Variants in SLC25A41 observed in about 807,000 individuals in gnomAD.
The protein encoded by SLC25A41 is solute carrier family 25 member 41.
Under a neutral mutation model 34.7 loss-of-function variants are expected in SLC25A41, and 35 were observed. The observed-to-expected ratio is 1.01, with a 90% CI of 0.77 to 1.34. The LOEUF (loss-of-function observed/expected upper bound fraction) is 1.34, where lower values mean the gene tolerates loss of function less well. Among genes scored for constraint, SLC25A41 ranks in the 40% most tolerant of loss-of-function variants. The pLI is 0.00. For missense variants in SLC25A41, 492 were observed against 489.8 expected (o/e 1.00, Z -0.04); for synonymous variants, 190 against 209.9 (o/e 0.91, Z 0.82).
In SLC25A41 at chr19:6,432,236, C is replaced by T. The variant is rs1003894515; in HGVS notation, c.208-32G>A. 3 of 1,601,900 alleles carry T rather than the reference C, an allele frequency of 1.9e-6. No homozygotes were observed. In the African/African-American group the frequency reaches 4.0e-5, roughly 21 times the overall value. ...GGCAGACCCGGCCCTCCCTCATCCT[C>T]AGCCAGGTTGGGGCACCTTCCCCAG... On this transcript the variant is annotated intron_variant, in intron 1 of 6. Transcript: ENST00000321510.
At chr19:6,435,904 C>T (rs913156404), upstream of SLC25A41, among the ~76,000 whole-genome samples, 5 of 151,916 alleles carry the variant, frequency 3.3e-5, no homozygotes, top group Non-Finnish European at 5.9e-5. Context: ...GCCTGTGGTC[C>T]CAGCTACTCC....
chr19:6,434,707 G>A (rs934127369), upstream of SLC25A41, among the ~76,000 whole-genome samples: 1 of 152,008 alleles, frequency 6.6e-6, no homozygotes, highest in Non-Finnish European at 1.5e-5. Flanking sequence ...TCAGGAGTTC[G>A]AGACCAGCCT....
At position 6,427,190 on chromosome 19, in the gene SLC25A41, T is replaced by C; in HGVS notation, c.853A>G (p.Ser285Gly). ...RDMGDPSGLVSLSSVTLSTTC... is the reference protein window; with the variant it reads ...RDMGDPSGLVGLSSVTLSTTC... ...GTGGATAGCGTCACAGACGACAGAC[T>C]GACCAGGCCACTGGGGTCCCCCATA... Residue 285 changes from serine (S) to glycine (G), a missense_variant, in exon 6 of 7, where the codon AGT (serine) becomes GGT (glycine). Transcript: ENST00000321510. This position sits in a 1 kb window ranked among gnomAD's most constrained non-coding sequence, Gnocchi z 4.9. The C allele has an allele frequency of 6.2e-7, 1 of 1,612,544 alleles. No individual in the cohort carries two copies. The highest frequency in any genetic ancestry group is 8.5e-7 in the Non-Finnish European group (1 of 1,179,750).
At position 6,427,002 on chromosome 19, in the gene SLC25A41, C is replaced by T; in HGVS notation, c.940+101G>A. 8 of 1,337,960 alleles carry T rather than the reference C, an allele frequency of 6.0e-6. No individual in the cohort carries two copies. Among genetic ancestry groups the T allele is most frequent in the Non-Finnish European group, 8.2e-6 (8 of 981,442 alleles). The allele number at this position is 1,337,960 out of a possible 1,614,324, so 82.9% of individuals were successfully genotyped here. ...TTATCAAAAGTGGGCTGGGATCAGA[C>T]ACGGAGGGTGCCGGACTCAGTTTTG... On this transcript the variant is annotated intron_variant, in intron 6 of 6. Coordinates refer to ENST00000321510, the MANE Select transcript of SLC25A41 (RefSeq NM_173637.4). The surrounding 1 kb of genome is among the most constrained non-coding windows in gnomAD (Gnocchi z 4.9).
Position 6,433,531 on chromosome 19 carries a change from C to T in SLC25A41, c.163G>A (p.Gly55Ser), listed in dbSNP as rs775116151. ...TCAAGGTTGTTGTCATGCATGTGGCCAAACGCGTACCCATACACGTGTGTA... is the reference window on the plus strand; with the variant it reads ...TCAAGGTTGTTGTCATGCATGTGGCTAAACGCGTACCCATACACGTGTGTA... ...GCTHVYGYAF[G>S]HMHDNNLEHL... The change falls in exon 1 of 7, where the codon GGC (glycine) becomes AGC (serine). Residue 55 changes from glycine (G) to serine (S), a missense_variant. Gly to Ser is a moderately conservative substitution (Grantham distance 56, BLOSUM62 0). Coordinates refer to ENST00000321510, the MANE Select transcript of SLC25A41 (RefSeq NM_173637.4). 2 of 1,604,382 alleles carry T rather than the reference C, an allele frequency of 1.2e-6. No homozygotes were observed. The highest frequency in any genetic ancestry group is 1.1e-5 in the South Asian group (1 of 90,906).
intron 2 of SLC25A41, chr19:6,430,492 CTT>C (rs749613686): frequency 0.038 from 13,199 of 344,688 alleles, no homozygotes; most frequent in South Asian, 0.054. Context: ...TCCCTTCCTT[CTT>C]TTTTTTTTTT....
chr19:6,427,266 G>A lies in SLC25A41; in HGVS notation c.793-16C>T, dbSNP rs753682224. 24 of 1,611,742 alleles carry A rather than the reference G, an allele frequency of 1.5e-5. No individual in the cohort carries two copies. Among genetic ancestry groups the A allele is most frequent in the Admixed American group, 5.0e-5 (3 of 59,960 alleles). On this transcript the variant is annotated splice_polypyrimidine_tract_variant and intron_variant, in intron 5 of 6. Transcript: ENST00000321510. The surrounding 1 kb of genome is among the most constrained non-coding windows in gnomAD (Gnocchi z 4.9). ...ACTGGAGCATCTGCAAGAGAAGGGG[G>A]CCAGGAGAAAGCTCACTAGGAGCCT...
chr19:6,428,738 G>T (rs1249699009), intron 4 of SLC25A41, among the ~76,000 whole-genome samples: 3 of 143,580 alleles, frequency 2.1e-5, no homozygotes, highest in Non-Finnish European at 3.0e-5. Flanking sequence ...TTGAGACAGG[G>T]TCTCCCTCTA....
intron 4 of SLC25A41, among the ~76,000 whole-genome samples, chr19:6,429,165 A>ATATATATAT (rs2092267574): frequency 2.8e-4 from 2 of 7,178 alleles, no homozygotes; most frequent in African/African-American, 5.8e-4. Flanking sequence ...TATATATATA[A>ATATATATAT]TATATATATA....
Position 6,426,262 on chromosome 19 carries a change from AGCCTGCTT to A in SLC25A41, c.*119_*126del. 7 of 61,664 alleles carry A rather than the reference AGCCTGCTT, an allele frequency of 1.1e-4. No homozygotes were observed. The highest frequency in any genetic ancestry group is 7.4e-4 in the Admixed American group (1 of 1,344). 3.8% of individuals were successfully genotyped at this position (61,664 alleles called of 1,614,324 possible). Reference sequence around the variant, plus strand: ...GACCCAGAGCCCCACCCCCACCCCCAGCCTGCTTTTGCCACCAAAAACTGCCCCAGGGC... The same window carrying A: ...GACCCAGAGCCCCACCCCCACCCCCATTGCCACCAAAAACTGCCCCAGGGC... On this transcript the variant is annotated 3_prime_UTR_variant, in exon 7 of 7. Transcript: ENST00000321510.
chr19:6,430,612 C>T (rs111919545), intron 2 of SLC25A41: 6,299 of 317,552 alleles, frequency 0.02, 94 homozygotes, highest in African/African-American at 0.035. Context: ...CTCAGCCTCC[C>T]GAGTAGCTGG....
rs113846983 is a variant in SLC25A41, at chr19:6,432,930, A to C, written c.207+557T>G. On this transcript the variant is annotated intron_variant, in intron 1 of 6. Coordinates refer to ENST00000321510, the MANE Select transcript of SLC25A41 (RefSeq NM_173637.4). Reference sequence around the variant, plus strand: ...TGATCCACCTGCCTCAGCCTCCCAAAGTGCTGGGATTACAGGTGTGAGCCA... The same window carrying C: ...TGATCCACCTGCCTCAGCCTCCCAACGTGCTGGGATTACAGGTGTGAGCCA... Among the ~76,000 whole-genome samples the C allele has an allele frequency of 4.5e-3, 682 of 152,012 alleles. 2 individuals carry two copies. The highest frequency in any genetic ancestry group is 0.016 in the African/African-American group (654 of 41,450).
At chr19:6,429,881 C>G (rs202173799) in intron 3 of SLC25A41, 50 bp from the exon 4 acceptor site, 61 of 1,598,308 alleles carry the variant, frequency 3.8e-5, no homozygotes, top group Non-Finnish European at 5.0e-5. Context: ...CCCTCCGACA[C>G]AAAACCCGCG....
chr19:6,432,778 C>T (rs1411218125), intron 1 of SLC25A41, among the ~76,000 whole-genome samples: 1 of 151,512 alleles, frequency 6.6e-6, no homozygotes, highest in Non-Finnish European at 1.5e-5. Flanking sequence ...TCAAGTGATT[C>T]TCTTGCCTCA....
intron 2 of SLC25A41, among the ~76,000 whole-genome samples, chr19:6,430,789 T>C (rs1358700521): frequency 6.6e-5 from 10 of 151,580 alleles, no homozygotes; most frequent in Admixed American, 2.6e-4. Flanking sequence ...CGCCTGGCCT[T>C]CTTTTCCTTT....
At position 6,429,059 on chromosome 19, in the gene SLC25A41, G is replaced by A. The variant is rs60458314; in HGVS notation, c.624+665C>T. ...TATATAATATATATATTATATATAT[G>A]TTATATATATATATAATATATATAT... On this transcript the variant is annotated intron_variant, in intron 4 of 6. Transcript: ENST00000321510. Among the ~76,000 whole-genome samples, 18 of 24,216 alleles carry A rather than the reference G, an allele frequency of 7.4e-4. 5 individuals carry two copies. The highest frequency in any genetic ancestry group is 3.4e-3 in the Admixed American group (3 of 874). 15.9% of individuals were successfully genotyped at this position (24,216 alleles called of 152,430 possible).
At position 6,427,612 on chromosome 19, in the gene SLC25A41, A is replaced by G; in HGVS notation, c.625-111T>C. On this transcript the variant is annotated intron_variant, in intron 4 of 6. Coordinates refer to ENST00000321510, the MANE Select transcript of SLC25A41 (RefSeq NM_173637.4). This position sits in a 1 kb window ranked among gnomAD's most constrained non-coding sequence, Gnocchi z 4.9. ...AAGGAAAATGAGGCTCAGGAAGGCA[A>G]AGAGCTGGGTTTCAGACCCGGATCT... is the stretch of plus-strand genomic sequence containing the variant. 1 of 1,260,256 alleles carries G rather than the reference A, an allele frequency of 7.9e-7. No individual in the cohort carries two copies. The highest frequency in any genetic ancestry group is 1.1e-6 in the Non-Finnish European group (1 of 950,376). The allele number at this position is 1,260,256 out of a possible 1,614,324, so 78.1% of individuals were successfully genotyped here.
chr19:6,427,033 T>G lies in SLC25A41; in HGVS notation c.940+70A>C. 1.3e-6 allele frequency: 2 copies of G among 1,508,462 alleles called. No individual in the cohort carries two copies. The highest frequency in any genetic ancestry group is 1.8e-6 in the Non-Finnish European group (2 of 1,116,048). The allele number at this position is 1,508,462 out of a possible 1,614,324, so 93.4% of individuals were successfully genotyped here. A position where few individuals can be genotyped will look rare whatever the true frequency, so the allele number is the denominator to read the frequency against. ...GGGTGCCGGACTCAGTTTTGGGGTA[T>G]GAGAAAATTGAGACAGCCAGGGTGG... On this transcript the variant is annotated intron_variant, in intron 6 of 6. Transcript: ENST00000321510. This position sits in a 1 kb window ranked among gnomAD's most constrained non-coding sequence, Gnocchi z 4.9.
At position 6,427,441 on chromosome 19, in the gene SLC25A41, C is replaced by A; in HGVS notation, c.685G>T (p.Ala229Ser). ...TGQYKGLLDC[A>S]RQILQREGTR... Reference sequence around the variant, plus strand: ...CCCTCTCGCTGCAAGATCTGCCTGGCGCAGTCCAGCAGCCCCTTGTACTGG... The same window carrying A: ...CCCTCTCGCTGCAAGATCTGCCTGGAGCAGTCCAGCAGCCCCTTGTACTGG... Residue 229 changes from alanine (A) to serine (S), a missense_variant, in exon 5 of 7, where the codon GCC (alanine) becomes TCC (serine). Physicochemically the swap from Ala to Ser is moderately conservative, Grantham distance 99 (BLOSUM62 1). Coordinates refer to ENST00000321510, the MANE Select transcript of SLC25A41 (RefSeq NM_173637.4). The surrounding 1 kb of genome is among the most constrained non-coding windows in gnomAD (Gnocchi z 4.9). 6.2e-7 allele frequency: 1 copy of A among 1,605,324 alleles called. No homozygotes were observed.
Sources: gnomAD v4.1 joint callset for allele counts (sites outside exome capture counted in the v4.1 genomes callset) on GRCh38, gnomAD v4.1.1 for gene constraint, Gnocchi (gnomAD v3.1) non-coding constraint, MANE v1.5 for transcripts, NCBI Gene and HGNC (gene_info 2026-07-23, HGNC 2026-07-21) for gene names.